TAS2R1: variants seen among roughly 807,000 people sequenced by gnomAD.
TAS2R1 encodes the protein taste receptor type 2 member 1.
For missense variants in TAS2R1, 370 were observed against 353.4 expected, an observed-to-expected ratio of 1.05 and a Z score of -0.38; for synonymous variants, 141 against 134.2, an observed-to-expected ratio of 1.05 and a Z score of -0.35.
At chr5:9,794,180 T>C in the TAS2R1 span, among the ~76,000 whole-genome samples, 1 of 152,320 alleles carries the variant, frequency 6.6e-6, no homozygotes, top group East Asian at 1.9e-4. Context: ...ATGGGACTTT[T>C]TGGCCTTGGG....
At chr5:9,684,276 T>C (rs1303096419) in intron 1 of TAS2R1, among the ~76,000 whole-genome samples, 1 of 152,188 alleles carries the variant, frequency 6.6e-6, no homozygotes, top group Non-Finnish European at 1.5e-5. Context: ...GAGGATATTG[T>C]GTTAAGTGAG....
chr5:9,826,604 G>A, the TAS2R1 span, among the ~76,000 whole-genome samples: 1 of 151,994 alleles, frequency 6.6e-6, no homozygotes, highest in Non-Finnish European at 1.5e-5. Context: ...TACAGGTTAG[G>A]GCTAACCTAT....
At chr5:9,717,009 T>G (rs149120872), upstream of TAS2R1, among the ~76,000 whole-genome samples, 1,210 of 152,064 alleles carry the variant, frequency 8.0e-3, 22 homozygotes, top group African/African-American at 0.028. Context: ...CCAACAGAAC[T>G]CTCACCACCT....
the TAS2R1 span, among the ~76,000 whole-genome samples, chr5:9,726,236 C>A: frequency 6.6e-6 from 1 of 152,180 alleles, no homozygotes; most frequent in Non-Finnish European, 1.5e-5. Flanking sequence ...TCTAGCTACT[C>A]TGGTGGGGAC....
At chr5:9,809,102 C>T in the TAS2R1 span, among the ~76,000 whole-genome samples, 1 of 152,182 alleles carries the variant, frequency 6.6e-6, no homozygotes, top group Admixed American at 6.5e-5. Context: ...AGTTTGGAAG[C>T]ACACAACTTG....
At chr5:9,860,902 C>T in the TAS2R1 span, among the ~76,000 whole-genome samples, 15 of 151,652 alleles carry the variant, frequency 9.9e-5, no homozygotes, top group African/African-American at 3.4e-4. Context: ...TGCAGCAAGA[C>T]GATCTAAGCA....
chr5:9,753,062 C>T, the TAS2R1 span, among the ~76,000 whole-genome samples: 4 of 152,182 alleles, frequency 2.6e-5, no homozygotes, highest in South Asian at 2.1e-4. Flanking sequence ...GGGTATATAC[C>T]CAGTAATGGG....
Position 9,628,183 on chromosome 5 carries a change from T to C in TAS2R1, c.*950A>G, listed in dbSNP as rs1739792228. Among the ~76,000 whole-genome samples, 1 of 151,710 alleles carries C rather than the reference T, an allele frequency of 6.6e-6. No individual in the cohort carries two copies. Among genetic ancestry groups the C allele is most frequent in the Non-Finnish European group, 1.5e-5 (1 of 68,004 alleles). ...ATCTATCTATCTATCTATCTCTTAGTATTCAAAATCTCAACCAAACAGAAA... is the reference window on the plus strand; with the variant it reads ...ATCTATCTATCTATCTATCTCTTAGCATTCAAAATCTCAACCAAACAGAAA... On this transcript the variant is annotated 3_prime_UTR_variant, in exon 1 of 1. Coordinates refer to ENST00000382492, the MANE Select transcript of TAS2R1 (RefSeq NM_019599.3).
At chr5:9,784,461 G>A in the TAS2R1 span, among the ~76,000 whole-genome samples, 1 of 152,236 alleles carries the variant, frequency 6.6e-6, no homozygotes, top group East Asian at 1.9e-4. Context: ...CACACTGGCA[G>A]AGAACATTCA....
chr5:9,824,866 G>T, the TAS2R1 span, among the ~76,000 whole-genome samples: 1 of 151,330 alleles, frequency 6.6e-6, no homozygotes, highest in Non-Finnish European at 1.5e-5. Context: ...AAAGGCAGGG[G>T]GGAAGAGAAA....
the TAS2R1 span, among the ~76,000 whole-genome samples, chr5:9,795,417 T>C: frequency 6.6e-6 from 1 of 152,066 alleles, no homozygotes; most frequent in Non-Finnish European, 1.5e-5. Context: ...GTCTAGCACA[T>C]AACAGGTGTG....
chr5:9,729,032 C>T, the TAS2R1 span, among the ~76,000 whole-genome samples: 1 of 152,200 alleles, frequency 6.6e-6, no homozygotes, highest in Non-Finnish European at 1.5e-5. Flanking sequence ...AACCAGCATC[C>T]AGCTGTGCCA....
At chr5:9,895,692 G>C in the TAS2R1 span, among the ~76,000 whole-genome samples, 1 of 152,188 alleles carries the variant, frequency 6.6e-6, no homozygotes. Flanking sequence ...TCTATCAACA[G>C]ATCTGCCCCA....
At chr5:9,812,093 T>C in the TAS2R1 span, among the ~76,000 whole-genome samples, 55 of 152,158 alleles carry the variant, frequency 3.6e-4, 2 homozygotes, top group South Asian at 0.011. Context: ...TTTCTATGAA[T>C]TCACCCTCTA....
chr5:9,840,670 G>T, the TAS2R1 span, among the ~76,000 whole-genome samples: 1 of 151,434 alleles, frequency 6.6e-6, no homozygotes, highest in Non-Finnish European at 1.5e-5. Context: ...CACTTATGTT[G>T]CTCTTCATTT....
upstream of TAS2R1, among the ~76,000 whole-genome samples, chr5:9,714,500 C>T (rs1734766484): frequency 6.6e-6 from 1 of 152,206 alleles, no homozygotes; most frequent in Non-Finnish European, 1.5e-5. Flanking sequence ...GATGTGTGAT[C>T]TTGGGCAAGA....
the TAS2R1 span, among the ~76,000 whole-genome samples, chr5:9,811,039 CAT>C: frequency 6.6e-6 from 1 of 152,130 alleles, no homozygotes; most frequent in Non-Finnish European, 1.5e-5. Flanking sequence ...CCCTAAAACT[CAT>C]ATGTTGAAAC....
the TAS2R1 span, among the ~76,000 whole-genome samples, chr5:9,845,315 T>A: frequency 6.6e-6 from 1 of 152,242 alleles, no homozygotes; most frequent in Non-Finnish European, 1.5e-5. Context: ...TATATTTGCC[T>A]GACAGATTAA....
intron 1 of TAS2R1, among the ~76,000 whole-genome samples, chr5:9,708,259 C>T (rs368751610): frequency 3.9e-5 from 6 of 152,180 alleles, no homozygotes; most frequent in East Asian, 1.9e-4. Context: ...AGGCCCTGTT[C>T]GGCCACAGAC....
Sources: gnomAD v4.1 joint callset for allele counts (sites outside exome capture counted in the v4.1 genomes callset) on GRCh38, gnomAD v4.1.1 for gene constraint, MANE v1.5 for transcripts, NCBI Gene and HGNC (gene_info 2026-07-23, HGNC 2026-07-21) for gene names.